Variants in KDM2A observed in about 807,000 individuals in gnomAD.
The protein encoded by KDM2A is lysine demethylase 2A.
Under a neutral mutation model 137.3 loss-of-function variants are expected in KDM2A, and 3 were observed. The ratio of observed to expected loss-of-function variants is 0.02; its 90% CI spans 0.01 to 0.06. The LOEUF is 0.06. Ranked by LOEUF, KDM2A falls within the 10% of genes least tolerant of loss-of-function variation. KDM2A has a pLI of 1.00. For missense variants in KDM2A, 738 were observed against 1,510.6 expected (o/e 0.49, Z 8.48); for synonymous variants, 512 against 541.5 (o/e 0.95, Z 0.76).
Position 67,255,201 on chromosome 11 carries a change from T to A in KDM2A, c.*146T>A. 1 of 702,790 alleles carries A rather than the reference T, an allele frequency of 1.4e-6. No individual in the cohort carries two copies. The highest frequency in any genetic ancestry group is 2.4e-6 in the Non-Finnish European group (1 of 425,226). The allele number at this position is 702,790 out of a possible 1,614,324, so 43.5% of individuals were successfully genotyped here. A position where few individuals can be genotyped will look rare whatever the true frequency, so the allele number is the denominator to read the frequency against. ...GTCCCTTGAGCCCTTCCTCTACAGG[T>A]GGGGCAGAGAGGGTGGTGGACACCA... is the stretch of plus-strand genomic sequence containing the variant. On this transcript the variant is annotated 3_prime_UTR_variant, in exon 21 of 21. Transcript: ENST00000529006.
intron 2 of KDM2A, among the ~76,000 whole-genome samples, chr11:67,140,738 G>A (rs1432578963): frequency 2.0e-5 from 3 of 151,706 alleles, no homozygotes; most frequent in African/African-American, 7.3e-5. Flanking sequence ...GGCAAAAAGA[G>A]TGAAACTTTG....
intron 5 of KDM2A, among the ~76,000 whole-genome samples, chr11:67,193,854 C>G (rs181500568): frequency 1.3e-5 from 2 of 152,236 alleles, no homozygotes; most frequent in East Asian, 1.9e-4. Flanking sequence ...GAGTGAGACC[C>G]CATCTCAATA....
chr11:67,200,955 A>T (rs1217059167), intron 5 of KDM2A, among the ~76,000 whole-genome samples: 2 of 151,922 alleles, frequency 1.3e-5, no homozygotes, highest in Non-Finnish European at 2.9e-5. Flanking sequence ...GCACTTTGGG[A>T]GGTCGAGGCG....
At chr11:67,226,898 G>A (rs551677031) in intron 10 of KDM2A, among the ~76,000 whole-genome samples, 1 of 152,172 alleles carries the variant, frequency 6.6e-6, no homozygotes, top group Non-Finnish European at 1.5e-5. Context: ...AGGCTTTGGT[G>A]GGAGGATGAT....
intron 12 of KDM2A, among the ~76,000 whole-genome samples, chr11:67,235,302 A>AT (rs139776975): frequency 0.019 from 2,599 of 134,522 alleles, 72 homozygotes; most frequent in African/African-American, 0.053. Context: ...TACTATGAGA[A>AT]TTTTTTTTTT....
In KDM2A at chr11:67,255,126, G is replaced by C; in HGVS notation, c.*71G>C. The C allele has an allele frequency of 7.2e-7, 1 of 1,389,406 alleles. No individual in the cohort carries two copies. The highest frequency in any genetic ancestry group is 1.3e-5 in the South Asian group (1 of 77,860). 86.1% of individuals were successfully genotyped at this position (1,389,406 alleles called of 1,614,324 possible). A position where few individuals can be genotyped will look rare whatever the true frequency, so the allele number is the denominator to read the frequency against. ...TCCCCACCGAGGAGAGCCTCTCCTC[G>C]ACCCTGCACGGGCTCTGAGGCCAGC... On this transcript the variant is annotated 3_prime_UTR_variant, in exon 21 of 21. Coordinates refer to ENST00000529006, the MANE Select transcript of KDM2A (RefSeq NM_012308.3).
chr11:67,208,945 T>G (rs887250857), intron 6 of KDM2A, among the ~76,000 whole-genome samples: 19 of 151,942 alleles, frequency 1.3e-4, no homozygotes, highest in Admixed American at 9.8e-4. Flanking sequence ...TTTATTATTT[T>G]TTTTTTGAGG....
At chr11:67,184,786 T>G (rs1441363960) in intron 5 of KDM2A, among the ~76,000 whole-genome samples, 1 of 152,152 alleles carries the variant, frequency 6.6e-6, no homozygotes, top group Non-Finnish European at 1.5e-5. Flanking sequence ...GTAAGAAAAC[T>G]TAAGTGTATA....
chr11:67,164,225 ACT>A (rs1270814871), intron 2 of KDM2A, among the ~76,000 whole-genome samples: 2 of 152,164 alleles, frequency 1.3e-5, no homozygotes, highest in African/African-American at 2.4e-5. Flanking sequence ...CCTACTTCTG[ACT>A]CTAATCCATT....
intron 17 of KDM2A, 149 bp from the exon 18 acceptor site, chr11:67,252,545 A>T: frequency 1.1e-6 from 1 of 871,270 alleles, no homozygotes; most frequent in Non-Finnish European, 1.8e-6. Flanking sequence ...CTATTCTGTG[A>T]GGCAAAAAAT....
intron 2 of KDM2A, among the ~76,000 whole-genome samples, chr11:67,173,328 A>C (rs999679183): frequency 4.6e-5 from 7 of 152,136 alleles, no homozygotes; most frequent in African/African-American, 1.7e-4. Context: ...CTCCGTGTTG[A>C]TCAGGCTGGT....
chr11:67,141,746 T>C (rs1344016363), intron 2 of KDM2A, among the ~76,000 whole-genome samples: 2 of 149,890 alleles, frequency 1.3e-5, no homozygotes, highest in African/African-American at 4.9e-5. Context: ...CTACTTACGA[T>C]TGAGCTTCAG....
chr11:67,232,746 C>T (rs1414063623), intron 12 of KDM2A, among the ~76,000 whole-genome samples: 1 of 149,958 alleles, frequency 6.7e-6, no homozygotes, highest in South Asian at 2.1e-4. Flanking sequence ...CTCACTCTGT[C>T]GCTCAGGTTG....
intron 2 of KDM2A, among the ~76,000 whole-genome samples, chr11:67,154,884 A>G (rs1184534884): frequency 1.3e-5 from 2 of 152,216 alleles, no homozygotes; most frequent in Non-Finnish European, 2.9e-5. Context: ...ATTCCGTTGT[A>G]TGGATATACC....
chr11:67,134,683 T>G (rs1380529038), intron 2 of KDM2A, among the ~76,000 whole-genome samples: 1 of 151,960 alleles, frequency 6.6e-6, no homozygotes, highest in Non-Finnish European at 1.5e-5. Context: ...TTTTATATTT[T>G]TAGTGGAGAC....
intron 12 of KDM2A, among the ~76,000 whole-genome samples, chr11:67,236,814 C>T (rs1858884965): frequency 6.6e-6 from 1 of 152,184 alleles, no homozygotes. Context: ...ACTTATTCCA[C>T]CGCTCTGAAT....
chr11:67,148,452 CA>C (rs1856306405), intron 2 of KDM2A, among the ~76,000 whole-genome samples: 1 of 147,376 alleles, frequency 6.8e-6, no homozygotes, highest in Admixed American at 6.6e-5. Flanking sequence ...AGGGTTTTTT[CA>C]TGGGGTAAAA....
At position 67,250,166 on chromosome 11, in the gene KDM2A, C is replaced by T. The variant is rs753079124; in HGVS notation, c.2136C>T (p.Leu712=). Residue 712 remains leucine, a synonymous_variant, in exon 17 of 21, where the codon CTC becomes CTT. Transcript: ENST00000529006. This position sits in a 1 kb window ranked among gnomAD's most constrained non-coding sequence, Gnocchi z 7.1. ...LRPLRSCDEP[L]TPPPHSPTSM... ...CCCTGCGGAGCTGCGATGAGCCTCT[C>T]ACGCCCCCGCCTCATTCACCCACTT... The T allele has an allele frequency of 2.9e-5, 47 of 1,613,512 alleles. No homozygotes were observed. The East Asian group carries it at 1.0e-3, about 35-fold the overall frequency.
At chr11:67,190,645 C>T (rs1269875127) in intron 5 of KDM2A, among the ~76,000 whole-genome samples, 1 of 151,962 alleles carries the variant, frequency 6.6e-6, no homozygotes, top group Non-Finnish European at 1.5e-5. Flanking sequence ...CCTGTAATCC[C>T]AGCTACTCAG....
Sources: allele counts gnomAD v4.1 joint callset (sites outside exome capture counted in the v4.1 genomes callset), GRCh38; gene constraint gnomAD v4.1.1; non-coding constraint Gnocchi (gnomAD v3.1); transcripts MANE v1.5; gene names NCBI Gene and HGNC (gene_info 2026-07-23, HGNC 2026-07-21).